VEPH1: variants seen among roughly 807,000 people sequenced by gnomAD.
VEPH1 encodes ventricular zone expressed PH domain containing 1.
A neutral mutation model predicts 85.2 loss-of-function variants in VEPH1; 80 were observed. That is an observed-to-expected ratio of 0.94 (90% CI 0.78 to 1.13). The LOEUF is 1.13. Ranked by LOEUF, VEPH1 falls within the 50% of genes most tolerant of loss-of-function variation. VEPH1 has a pLI of 0.00. For missense variants in VEPH1, 955 were observed against 980.5 expected, an observed-to-expected ratio of 0.97 and a Z score of 0.35; for synonymous variants, 297 against 348.0, an observed-to-expected ratio of 0.85 and a Z score of 1.63.
At chr3:157,379,069 G>A (rs1372682752) in intron 7 of VEPH1, among the ~76,000 whole-genome samples, 1 of 152,170 alleles carries the variant, frequency 6.6e-6, no homozygotes, top group East Asian at 1.9e-4. Flanking sequence ...AAATATTTGA[G>A]TGCTTACTAT....
At position 157,473,496 on chromosome 3, in the gene VEPH1, A is replaced by G. The variant is rs374282732; in HGVS notation, c.139-2967T>C. Among the ~76,000 whole-genome samples the G allele has an allele frequency of 2.3e-4, 35 of 152,250 alleles. No homozygotes were observed. The South Asian group carries it at 7.3e-3, about 32-fold the overall frequency. On this transcript the variant is annotated intron_variant, in intron 2 of 13. Transcript: ENST00000362010. Reference sequence around the variant, plus strand: ...TTCATGCAGCCTTTCTGAGATCTATATATTTTATATATCCCATGGCTTATT... The same window carrying G: ...TTCATGCAGCCTTTCTGAGATCTATGTATTTTATATATCCCATGGCTTATT...
chr3:157,313,593 T>C (rs773430582), intron 11 of VEPH1, 28 bp downstream of exon 11: 1 of 1,610,376 alleles, frequency 6.2e-7, no homozygotes, highest in Admixed American at 1.7e-5. Context: ...TCTTGGCCTG[T>C]AACATGGCCA....
chr3:157,372,693 A>C (rs950974905), intron 7 of VEPH1, among the ~76,000 whole-genome samples: 2 of 152,090 alleles, frequency 1.3e-5, no homozygotes, highest in African/African-American at 4.8e-5. Context: ...TAGCTTTTAA[A>C]CTCACTGTAG....
intron 11 of VEPH1, among the ~76,000 whole-genome samples, chr3:157,311,416 A>C (rs988935062): frequency 3.3e-5 from 5 of 152,200 alleles, no homozygotes; most frequent in African/African-American, 1.2e-4. Flanking sequence ...AATAAAGCAG[A>C]CTTTGCACCA....
intron 6 of VEPH1, among the ~76,000 whole-genome samples, chr3:157,386,952 T>C (rs1395383336): frequency 1.3e-5 from 2 of 152,214 alleles, no homozygotes; most frequent in African/African-American, 4.8e-5. Flanking sequence ...TTGGTGTCCA[T>C]GGACCATGCT....
At chr3:157,331,295 T>C (rs1490980974) in intron 9 of VEPH1, among the ~76,000 whole-genome samples, 1 of 152,212 alleles carries the variant, frequency 6.6e-6, no homozygotes, top group African/African-American at 2.4e-5. Context: ...CCAATGCAAG[T>C]GAGCCACACT....
intron 2 of VEPH1, among the ~76,000 whole-genome samples, chr3:157,478,681 AC>A (rs5853786): frequency 0.23 from 34,998 of 152,070 alleles, 4,356 homozygotes; most frequent in South Asian, 0.35. Flanking sequence ...CGTGTCAGTG[AC>A]ATTGTTGAAC....
rs559747853 is a variant in VEPH1 at position 157,302,795 on chromosome 3, G to A, written c.2010+10826C>T. 7.9e-5 allele frequency among the ~76,000 whole-genome samples: 12 copies of A among 152,282 alleles called. No individual in the cohort carries two copies. In the South Asian group the frequency reaches 2.5e-3, roughly 32 times the overall value. ...TGCCATGGTCTAAAAGGCCAGGACA[G>A]AATTCCCCAGATTAACTCTCCAGTC... On this transcript the variant is annotated intron_variant, in intron 11 of 13. Transcript: ENST00000362010.
chr3:157,483,281 G>A (rs1738305847), intron 2 of VEPH1, among the ~76,000 whole-genome samples: 1 of 152,054 alleles, frequency 6.6e-6, no homozygotes, highest in Admixed American at 6.6e-5. Flanking sequence ...CCTAGCAGAA[G>A]CAAATACAAA....
At chr3:157,341,231 T>C (rs1723519235) in intron 9 of VEPH1, among the ~76,000 whole-genome samples, 1 of 152,162 alleles carries the variant, frequency 6.6e-6, no homozygotes, top group East Asian at 1.9e-4. Context: ...TTCTCCGAGC[T>C]AAAGGAGGAA....
intron 9 of VEPH1, among the ~76,000 whole-genome samples, chr3:157,342,438 A>G (rs1437598045): frequency 6.6e-6 from 1 of 152,236 alleles, no homozygotes; most frequent in Admixed American, 6.5e-5. Flanking sequence ...GGAGGCCATT[A>G]CATAATGCTA....
At chr3:157,297,152 C>T (rs1054347242) in intron 11 of VEPH1, among the ~76,000 whole-genome samples, 14 of 152,074 alleles carry the variant, frequency 9.2e-5, no homozygotes, top group Admixed American at 3.9e-4. Context: ...ATAAGAAGCT[C>T]CTTTTTATGT....
intron 2 of VEPH1, among the ~76,000 whole-genome samples, chr3:157,484,706 A>T (rs1738461089): frequency 6.6e-6 from 1 of 152,178 alleles, no homozygotes; most frequent in South Asian, 2.1e-4. Context: ...TACTTCTAGG[A>T]ATAGGAGGAG....
Position 157,393,895 on chromosome 3 carries a change from T to G in VEPH1, c.907-12519A>C, listed in dbSNP as rs1296624184. Among the ~76,000 whole-genome samples, 4 of 152,220 alleles carry G rather than the reference T, an allele frequency of 2.6e-5. No homozygotes were observed. The East Asian group carries it at 7.7e-4, about 29-fold the overall frequency. On this transcript the variant is annotated intron_variant, in intron 6 of 13. Coordinates refer to ENST00000362010, the MANE Select transcript of VEPH1 (RefSeq NM_001167912.2). ...CTTTTGTTACCTCCGGTTTTGTTGT[T>G]TGTTCAGAGCTTGAGATATTAAGCC...
chr3:157,321,797 CA>C (rs1332866763), intron 9 of VEPH1, among the ~76,000 whole-genome samples: 2 of 151,708 alleles, frequency 1.3e-5, no homozygotes, highest in Admixed American at 1.3e-4. Context: ...AACAAACAAA[CA>C]AAAAAAGCTC....
chr3:157,351,153 GTGGTATA>G (rs1724826040), intron 9 of VEPH1, among the ~76,000 whole-genome samples: 1 of 152,112 alleles, frequency 6.6e-6, no homozygotes. Flanking sequence ...TAAAGAAAAG[GTGGTATA>G]TATGGCCAGG....
chr3:157,396,425 G>T (rs1484435899), intron 6 of VEPH1, among the ~76,000 whole-genome samples: 2 of 152,188 alleles, frequency 1.3e-5, no homozygotes, highest in Non-Finnish European at 2.9e-5. Context: ...CTTTACAACA[G>T]AATGATTTAT....
chr3:157,261,208 A>G lies in VEPH1; in HGVS notation c.2428T>C (p.Trp810Arg). 1 of 1,613,848 alleles carries G rather than the reference A, an allele frequency of 6.2e-7. No individual in the cohort carries two copies. Among genetic ancestry groups the G allele is most frequent in the Non-Finnish European group, 8.5e-7 (1 of 1,179,784 alleles). ...ACTGCCACGTTGATGCACTGGAGCCATTCTTCTGCATTCTTCTCATCCTTG... is the reference window on the plus strand; with the variant it reads ...ACTGCCACGTTGATGCACTGGAGCCGTTCTTCTGCATTCTTCTCATCCTTG... The part of the protein sequence containing the change: ...KAKDEKNAEE[W>R]LQCINVAVAQ... Residue 810 changes from tryptophan (W) to arginine (R), a missense_variant, in exon 14 of 14, where the codon TGG (tryptophan) becomes CGG (arginine). By Grantham distance (101) the Trp-to-Arg change is moderately radical. Transcript: ENST00000362010.
intron 4 of VEPH1, among the ~76,000 whole-genome samples, chr3:157,430,218 T>G (rs1000853526): frequency 3.9e-5 from 6 of 152,232 alleles, no homozygotes; most frequent in African/African-American, 1.4e-4. Context: ...AAGGGAGTAT[T>G]TATGATCTCC....
Sources: gnomAD v4.1 joint callset for allele counts (sites outside exome capture counted in the v4.1 genomes callset) on GRCh38, gnomAD v4.1.1 for gene constraint, MANE v1.5 for transcripts, NCBI Gene and HGNC (gene_info 2026-07-23, HGNC 2026-07-21) for gene names.